Variants in MEI4 observed in about 807,000 individuals in gnomAD.
The protein encoded by MEI4 is meiosis-specific protein MEI4.
A neutral mutation model predicts 31.4 loss-of-function variants in MEI4; 27 were observed. The observed-to-expected ratio is 0.86, with a 90% CI of 0.63 to 1.19. The LOEUF (loss-of-function observed/expected upper bound fraction) is 1.19, where lower values mean the gene tolerates loss of function less well. Among genes scored for constraint, MEI4 ranks in the 50% most tolerant of loss-of-function variants. MEI4 has a pLI of 0.00. For missense variants in MEI4, 329 were observed against 398.9 expected (o/e 0.82, Z 1.49); for synonymous variants, 122 against 145.4 (o/e 0.84, Z 1.16).
Position 77,915,216 on chromosome 6 carries a change from T to A in MEI4, c.901-7873T>A, listed in dbSNP as rs572039438. ...TTAAGTCCTTTGTCTTCCTTATTTG[T>A]TTGCTCTACTAGTTCATAATAAACC... is the stretch of plus-strand genomic sequence containing the variant. On this transcript the variant is annotated intron_variant, in intron 4 of 4. Coordinates refer to ENST00000684080, the MANE Select transcript of MEI4 (RefSeq NM_001322247.2). 6.6e-5 allele frequency among the ~76,000 whole-genome samples: 10 copies of A among 152,200 alleles called. No individual in the cohort carries two copies. The South Asian group carries it at 1.7e-3, about 25-fold the overall frequency.
At chr6:77,769,159 C>T (rs757822255) in intron 3 of MEI4, among the ~76,000 whole-genome samples, 10 of 152,110 alleles carry the variant, frequency 6.6e-5, no homozygotes, top group African/African-American at 1.2e-4. Context: ...TCCCTGGCAG[C>T]GGCCATATGG....
intron 3 of MEI4, among the ~76,000 whole-genome samples, chr6:77,801,324 G>T (rs1769250190): frequency 6.6e-6 from 1 of 152,026 alleles, no homozygotes; most frequent in Non-Finnish European, 1.5e-5. Context: ...TATTTCTGTG[G>T]GATTGGTGGT....
chr6:77,883,326 C>T (rs1371360914), intron 4 of MEI4, among the ~76,000 whole-genome samples: 3 of 151,900 alleles, frequency 2.0e-5, no homozygotes, highest in Non-Finnish European at 2.9e-5. Flanking sequence ...ATCTTCTAGC[C>T]ATTTTGAAAT....
chr6:77,765,030 A>G lies in MEI4; in HGVS notation c.768+3365A>G, dbSNP rs146305328. ...AGAATCTTAAATGAACAAGTTTTCAATTATTTTTAGCACAGTGATCAATAG... is the reference window on the plus strand; with the variant it reads ...AGAATCTTAAATGAACAAGTTTTCAGTTATTTTTAGCACAGTGATCAATAG... On this transcript the variant is annotated intron_variant, in intron 3 of 4. Transcript: ENST00000684080. 1.5e-3 allele frequency among the ~76,000 whole-genome samples: 222 copies of G among 152,308 alleles called. 1 individual carries two copies. Among genetic ancestry groups the G allele is most frequent in the African/African-American group, 4.6e-3 (193 of 41,576 alleles).
chr6:77,812,391 AGAT>A (rs777180285), intron 3 of MEI4, among the ~76,000 whole-genome samples: 9 of 152,100 alleles, frequency 5.9e-5, no homozygotes, highest in East Asian at 1.9e-4. Context: ...TATTGCTTAG[AGAT>A]GATGATGATG....
At chr6:77,747,247 G>A (rs975790035) in intron 2 of MEI4, among the ~76,000 whole-genome samples, 28 of 152,132 alleles carry the variant, frequency 1.8e-4, no homozygotes, top group African/African-American at 6.8e-4. Flanking sequence ...AGGAAGCAGA[G>A]ATTGTAGTGA....
In MEI4 at chr6:77,924,506, A is replaced by G. The variant is rs1422227125; in HGVS notation, c.*1160A>G. 6.6e-6 allele frequency: 1 copy of G among 151,884 alleles called. No individual in the cohort carries two copies. The highest frequency in any genetic ancestry group is 1.9e-4 in the East Asian group (1 of 5,162). 9.4% of individuals were successfully genotyped at this position (151,884 alleles called of 1,614,324 possible). ...ACAAAATATCTATCAGTGGCATACA[A>G]CAATAATATTTCTCAGATATATGCA... is the stretch of plus-strand genomic sequence containing the variant. On this transcript the variant is annotated 3_prime_UTR_variant, in exon 5 of 5. Coordinates refer to ENST00000684080, the MANE Select transcript of MEI4 (RefSeq NM_001322247.2).
chr6:77,895,131 C>T (rs1281797304), intron 4 of MEI4, among the ~76,000 whole-genome samples: 3 of 152,150 alleles, frequency 2.0e-5, no homozygotes, highest in Non-Finnish European at 4.4e-5. Context: ...TATGCTTCCT[C>T]ATGTCTATAC....
chr6:77,670,549 C>T (rs1009670945), intron 1 of MEI4, among the ~76,000 whole-genome samples: 3 of 152,108 alleles, frequency 2.0e-5, no homozygotes, highest in South Asian at 2.1e-4. Context: ...ACAGGATTAT[C>T]GTGTGACCAC....
chr6:77,712,693 C>T (rs1036114008), intron 2 of MEI4, among the ~76,000 whole-genome samples: 38 of 152,134 alleles, frequency 2.5e-4, no homozygotes, highest in African/African-American at 7.0e-4. Context: ...AAAAGGAGGC[C>T]GGGTGCGGTG....
rs145115417 is a variant in MEI4 at position 77,692,003 on chromosome 6, C to T, written c.232+1100C>T. On this transcript the variant is annotated intron_variant, in intron 2 of 4. Transcript: ENST00000684080. Reference sequence around the variant, plus strand: ...AATTAGGCTTCGCATTAGATTCAGGCTTCTGATAGTGGCCCAAAATGCTGT... The same window carrying T: ...AATTAGGCTTCGCATTAGATTCAGGTTTCTGATAGTGGCCCAAAATGCTGT... Among the ~76,000 whole-genome samples the T allele has an allele frequency of 2.0e-5, 3 of 152,164 alleles. No individual in the cohort carries two copies. The East Asian group carries it at 5.8e-4, about 29-fold the overall frequency.
intron 4 of MEI4, among the ~76,000 whole-genome samples, chr6:77,863,857 G>A (rs544241695): frequency 1.2e-4 from 19 of 152,210 alleles, no homozygotes; most frequent in Admixed American, 2.6e-4. Flanking sequence ...ACGAAGAGAA[G>A]ACCATCAGAC....
At chr6:77,770,532 G>A (rs745861602) in intron 3 of MEI4, among the ~76,000 whole-genome samples, 1 of 151,760 alleles carries the variant, frequency 6.6e-6, no homozygotes, top group Non-Finnish European at 1.5e-5. Context: ...CCAAAAAAGA[G>A]CCCAAATACC....
chr6:77,666,911 G>A (rs986439166), intron 1 of MEI4, among the ~76,000 whole-genome samples: 1 of 151,778 alleles, frequency 6.6e-6, no homozygotes, highest in African/African-American at 2.4e-5. Flanking sequence ...ATGTGTTGCT[G>A]TGGTAGTAGG....
intron 3 of MEI4, among the ~76,000 whole-genome samples, chr6:77,805,656 C>T (rs1432284873): frequency 6.6e-6 from 1 of 151,990 alleles, no homozygotes; most frequent in Non-Finnish European, 1.5e-5. Flanking sequence ...AAGCTTCAAA[C>T]ACCTTACAGT....
chr6:77,798,142 C>T (rs1202428144), intron 3 of MEI4, among the ~76,000 whole-genome samples: 2 of 151,710 alleles, frequency 1.3e-5, no homozygotes, highest in African/African-American at 4.8e-5. Flanking sequence ...TATAATAATG[C>T]AACCATTAAA....
chr6:77,829,864 A>G (rs1195005594), intron 4 of MEI4, among the ~76,000 whole-genome samples: 2 of 152,134 alleles, frequency 1.3e-5, no homozygotes, highest in African/African-American at 4.8e-5. Flanking sequence ...CTTTTAACAA[A>G]GTACTGACAT....
At chr6:77,710,174 C>A (rs1382574632) in intron 2 of MEI4, among the ~76,000 whole-genome samples, 1 of 152,116 alleles carries the variant, frequency 6.6e-6, no homozygotes, top group South Asian at 2.1e-4. Context: ...ACAGTAAATA[C>A]CATATGAATC....
Position 77,923,459 on chromosome 6 carries a change from C to CTAAA in MEI4, c.*116_*119dup, listed in dbSNP as rs1239128997. On this transcript the variant is annotated 3_prime_UTR_variant, in exon 5 of 5. Transcript: ENST00000684080. ...TTAATTAGCATTTTAGAATTGATCT[C>CTAAA]TAAATATAATTATCAATTCAACTTA... 2.4e-5 allele frequency: 20 copies of CTAAA among 831,004 alleles called. No homozygotes were observed. The highest frequency in any genetic ancestry group is 4.4e-5 in the Admixed American group (1 of 22,980). 51.5% of individuals were successfully genotyped at this position (831,004 alleles called of 1,614,324 possible).
Sources: gnomAD v4.1 joint callset for allele counts (sites outside exome capture counted in the v4.1 genomes callset) on GRCh38, gnomAD v4.1.1 for gene constraint, MANE v1.5 for transcripts, NCBI Gene and HGNC (gene_info 2026-07-23, HGNC 2026-07-21) for gene names.